Variants in RXFP1 observed in about 807,000 individuals in gnomAD.
The protein encoded by RXFP1 is relaxin receptor 1.
Under a neutral mutation model 89.8 loss-of-function variants are expected in RXFP1, and 73 were observed. That is an observed-to-expected ratio of 0.81 (90% CI 0.67 to 0.99). The LOEUF (loss-of-function observed/expected upper bound fraction) is 0.99, where lower values mean the gene tolerates loss of function less well. Ranked by LOEUF, RXFP1 falls within the 50% of genes least tolerant of loss-of-function variation. RXFP1 has a pLI of 0.00. For missense variants in RXFP1, 793 were observed against 895.5 expected (o/e 0.89, Z 1.46); for synonymous variants, 277 against 305.5 (o/e 0.91, Z 0.97).
chr4:158,522,144 G>T (rs1471844947), intron 1 of RXFP1, 119 bp downstream of exon 1: 3 of 611,708 alleles, frequency 4.9e-6, no homozygotes, highest in Non-Finnish European at 8.5e-6. Context: ...TGATAAAATT[G>T]TAATCTCACT....
intron 14 of RXFP1, among the ~76,000 whole-genome samples, chr4:158,643,474 T>TTG (rs1173136409): frequency 2.8e-5 from 4 of 144,392 alleles, no homozygotes; most frequent in Non-Finnish European, 6.1e-5. Context: ...GCTAGTTTTT[T>TTG]TTTTTTTTTT....
intron 1 of RXFP1, among the ~76,000 whole-genome samples, chr4:158,528,406 T>C (rs573118577): frequency 1.1e-4 from 16 of 152,106 alleles, no homozygotes; most frequent in African/African-American, 3.6e-4. Context: ...CTCGGGAAGC[T>C]GAGGTGGGAG....
intron 6 of RXFP1, among the ~76,000 whole-genome samples, chr4:158,609,518 G>A (rs929768732): frequency 1.3e-5 from 2 of 152,176 alleles, no homozygotes; most frequent in Non-Finnish European, 2.9e-5. Flanking sequence ...ATAACTCCCT[G>A]TATTTCCATT....
Position 158,625,635 on chromosome 4 carries a change from A to G in RXFP1, c.756-1185A>G, listed in dbSNP as rs574990214. Among the ~76,000 whole-genome samples the G allele has an allele frequency of 6.6e-5, 10 of 152,258 alleles. No homozygotes were observed. In the South Asian group the frequency reaches 2.1e-3, roughly 32 times the overall value. On this transcript the variant is annotated intron_variant, in intron 9 of 17. Coordinates refer to ENST00000307765, the MANE Select transcript of RXFP1 (RefSeq NM_021634.4). The stretch of plus-strand genomic sequence containing the variant: ...TCCTGGTCTTCCAGATTTTACAGAT[A>G]TATTTGATTTGTCAGCATCTATTTT...
At chr4:158,609,995 A>C (rs1279375754) in intron 6 of RXFP1, among the ~76,000 whole-genome samples, 2 of 152,138 alleles carry the variant, frequency 1.3e-5, no homozygotes, top group African/African-American at 4.8e-5. Context: ...ACATATTTCT[A>C]GTTAAATAAT....
At chr4:158,593,634 G>C (rs151172101) in intron 3 of RXFP1, 135 bp downstream of exon 3, 33 of 536,216 alleles carry the variant, frequency 6.2e-5, no homozygotes, top group Non-Finnish European at 2.3e-5. Flanking sequence ...TTAAAAATTC[G>C]TAAGAGGTCA....
At chr4:158,545,631 G>T (rs1006446461) in intron 1 of RXFP1, among the ~76,000 whole-genome samples, 1 of 152,154 alleles carries the variant, frequency 6.6e-6, no homozygotes, top group African/African-American at 2.4e-5. Flanking sequence ...TTTGTATAGG[G>T]TGTAAGGAAG....
At chr4:158,547,218 T>A (rs1297892708) in intron 1 of RXFP1, among the ~76,000 whole-genome samples, 3 of 152,204 alleles carry the variant, frequency 2.0e-5, no homozygotes, top group East Asian at 3.8e-4. Flanking sequence ...TTCTTCTAGA[T>A]TTTCTAGTTT....
At chr4:158,621,123 G>T (rs1430397300) in intron 9 of RXFP1, among the ~76,000 whole-genome samples, 1 of 151,972 alleles carries the variant, frequency 6.6e-6, no homozygotes, top group Admixed American at 6.6e-5. Flanking sequence ...GGGCGACAGT[G>T]AGACTCTGTC....
rs115354001 is a variant in RXFP1 at position 158,553,167 on chromosome 4, C to T, written c.50-19531C>T. ...TCATGCCACTGCACTCCAGCCTGGA[C>T]AATAGAGCAAGATCCTTTCTCTTAA... is the stretch of plus-strand genomic sequence containing the variant. On this transcript the variant is annotated intron_variant, in intron 1 of 17. Transcript: ENST00000307765. Among the ~76,000 whole-genome samples, 1,422 of 152,070 alleles carry T rather than the reference C, an allele frequency of 9.4e-3. 11 individuals carry two copies. Among genetic ancestry groups the T allele is most frequent in the Non-Finnish European group, 0.016 (1,064 of 67,988 alleles).
chr4:158,628,837 T>C (rs1311938077), intron 11 of RXFP1, 128 bp downstream of exon 11: 1 of 446,720 alleles, frequency 2.2e-6, no homozygotes, highest in African/African-American at 2.1e-5. Flanking sequence ...TTTACATATA[T>C]ACACCTCAAG....
chr4:158,651,704 T>C (rs1772759037), intron 17 of RXFP1, 53 bp from the exon 18 acceptor site: 28 of 1,435,218 alleles, frequency 2.0e-5, no homozygotes, highest in Non-Finnish European at 2.5e-5. Context: ...ATTGGGTTTC[T>C]ATACCTTGTA....
rs188493111 is a variant in RXFP1, at chr4:158,644,085, C to T, written c.1116-824C>T. On this transcript the variant is annotated intron_variant, in intron 14 of 17. Coordinates refer to ENST00000307765, the MANE Select transcript of RXFP1 (RefSeq NM_021634.4). ...TTGGAGACAGAGTCTCGCTCTGTCG[C>T]CCCCAGGCTGGAGTGCAGTGGCACG... Among the ~76,000 whole-genome samples the T allele has an allele frequency of 2.9e-3, 438 of 148,648 alleles. 6 individuals are homozygous for T. The highest frequency in any genetic ancestry group is 0.011 in the African/African-American group (422 of 39,738).
chr4:158,632,368 A>G (rs1408551915), intron 11 of RXFP1, among the ~76,000 whole-genome samples: 1 of 152,238 alleles, frequency 6.6e-6, no homozygotes. Context: ...AAACCAGCAT[A>G]TATAACAAAT....
At chr4:158,568,195 C>G (rs1021349019) in intron 1 of RXFP1, among the ~76,000 whole-genome samples, 1 of 152,190 alleles carries the variant, frequency 6.6e-6, no homozygotes, top group African/African-American at 2.4e-5. Flanking sequence ...ACTCTAGACT[C>G]GCTGCTTCTA....
chr4:158,594,722 T>C (rs992209176), intron 3 of RXFP1, among the ~76,000 whole-genome samples: 1 of 152,208 alleles, frequency 6.6e-6, no homozygotes, highest in African/African-American at 2.4e-5. Context: ...TGAATAAGTA[T>C]ATTTTAAACA....
At chr4:158,638,689 C>A (rs1415259710) in intron 13 of RXFP1, among the ~76,000 whole-genome samples, 1 of 151,836 alleles carries the variant, frequency 6.6e-6, no homozygotes, top group African/African-American at 2.4e-5. Flanking sequence ...GTGGCATGCA[C>A]CTGTGGTCCT....
At chr4:158,545,936 CT>C (rs1358873333) in intron 1 of RXFP1, among the ~76,000 whole-genome samples, 1 of 152,066 alleles carries the variant, frequency 6.6e-6, no homozygotes, top group African/African-American at 2.4e-5. Context: ...AATGTGGGCT[CT>C]TTTTTCGTTC....
At chr4:158,543,130 C>A (rs7661878) in intron 1 of RXFP1, among the ~76,000 whole-genome samples, 146,003 of 152,176 alleles carry the variant, frequency 0.96, 70,293 homozygotes, top group East Asian at 1. Flanking sequence ...ACACACACAC[C>A]TGCACACACT....
Sources: gnomAD v4.1 joint callset for allele counts (sites outside exome capture counted in the v4.1 genomes callset) on GRCh38, gnomAD v4.1.1 for gene constraint, MANE v1.5 for transcripts, NCBI Gene and HGNC (gene_info 2026-07-23, HGNC 2026-07-21) for gene names.